The following CCDC181 variants were observed in gnomAD, a reference collection of about 807,000 sequenced individuals.
CCDC181 encodes the protein coiled-coil domain-containing protein 181.
CCDC181 carries 35 observed loss-of-function variants against 58.7 expected under a neutral mutation model. That is an observed-to-expected ratio of 0.60 (90% confidence interval 0.46 to 0.79). The LOEUF (loss-of-function observed/expected upper bound fraction) is 0.79, where lower values mean the gene tolerates loss of function less well. Among genes scored for constraint, CCDC181 ranks in the 30% least tolerant of loss-of-function variants. The pLI, the probability that CCDC181 is intolerant of heterozygous loss-of-function variation, is 0.00. For synonymous variants in CCDC181, 183 were observed against 197.5 expected (o/e 0.93, Z 0.62); for missense variants, 517 against 583.9 (o/e 0.89, Z 1.18).
chr1:169,434,659 C>T (rs570072628), intron 2 of CCDC181, among the ~76,000 whole-genome samples: 3 of 148,728 alleles, frequency 2.0e-5, no homozygotes, highest in African/African-American at 7.3e-5. Flanking sequence ...GAAGACATTA[C>T]GCTAGGTAAA....
chr1:169,418,140 A>G (rs1306630714), intron 4 of CCDC181, among the ~76,000 whole-genome samples: 17 of 152,186 alleles, frequency 1.1e-4, no homozygotes, highest in Admixed American at 8.5e-4. Context: ...GCCTTCAAAC[A>G]TTTTAAATTC....
chr1:169,409,645 G>A (rs1021227930), intron 4 of CCDC181, among the ~76,000 whole-genome samples: 1 of 152,156 alleles, frequency 6.6e-6, no homozygotes, highest in African/African-American at 2.4e-5. Context: ...AGAGAGAAAG[G>A]TCGGGTTACT....
intron 2 of CCDC181, chr1:169,443,491 A>T (rs1459854174): frequency 6.6e-6 from 1 of 152,150 alleles, no homozygotes; most frequent in African/African-American, 2.4e-5. Flanking sequence ...CAACAAACAT[A>T]ATTTACTTTT....
At chr1:169,432,266 TA>T (rs1248047298), upstream of CCDC181, among the ~76,000 whole-genome samples, 1 of 152,060 alleles carries the variant, frequency 6.6e-6, no homozygotes, top group African/African-American at 2.4e-5. Context: ...TCAGTGAACT[TA>T]AAGATAAGAC....
intron 4 of CCDC181, among the ~76,000 whole-genome samples, chr1:169,397,699 C>T (rs913926514): frequency 6.6e-6 from 1 of 152,100 alleles, no homozygotes; most frequent in Non-Finnish European, 1.5e-5. Context: ...ATAATTTTAA[C>T]ATAAGAAAAA....
upstream of CCDC181, among the ~76,000 whole-genome samples, chr1:169,427,635 T>C (rs2102107852): frequency 6.6e-6 from 1 of 152,370 alleles, no homozygotes; most frequent in African/African-American, 2.4e-5. Context: ...AGTGCCGCTG[T>C]GTTGGTTGTG....
intron 2 of CCDC181, chr1:169,454,703 T>C (rs1486850306): frequency 6.6e-6 from 1 of 151,918 alleles, no homozygotes; most frequent in African/African-American, 2.4e-5. Flanking sequence ...GGCATATAAA[T>C]TTAAAAGTAT....
chr1:169,397,214 G>T, intron 5 of CCDC181, 23 bp downstream of exon 5: 1 of 1,502,494 alleles, frequency 6.7e-7, no homozygotes, highest in Non-Finnish European at 8.9e-7. Context: ...GAGGAGGGGG[G>T]AAATGCCCTG....
intron 2 of CCDC181, among the ~76,000 whole-genome samples, chr1:169,456,995 C>A (rs1657692638): frequency 6.6e-6 from 1 of 152,040 alleles, no homozygotes; most frequent in African/African-American, 2.4e-5. Context: ...TGTTTTTATT[C>A]TAGTTCTTAA....
rs1656491044 is a variant in CCDC181 at position 169,421,975 on chromosome 1, A to C, written c.456T>G (p.Leu152=). The C allele has an allele frequency of 2.5e-6, 4 of 1,614,042 alleles. No individual in the cohort carries two copies. The highest frequency in any genetic ancestry group is 3.4e-6 in the Non-Finnish European group (4 of 1,179,990). ...AATCAACTAACTGGTCCTTGAACTTAAGTTTTCGCTCCCTTTTATCATTCA... is the reference window on the plus strand; with the variant it reads ...AATCAACTAACTGGTCCTTGAACTTCAGTTTTCGCTCCCTTTTATCATTCA... The part of the protein sequence containing the change: ...EPVNDKRERK[L]KFKDQLVDLE... The change falls in exon 3 of 6, where the codon CTT becomes CTG. Residue 152 remains leucine, a synonymous_variant. Coordinates refer to ENST00000367806, the MANE Select transcript of CCDC181 (RefSeq NM_001300969.2).
intron 4 of CCDC181, among the ~76,000 whole-genome samples, chr1:169,404,655 G>A (rs571326398): frequency 7.9e-5 from 12 of 152,262 alleles, no homozygotes; most frequent in African/African-American, 1.9e-4. Context: ...TTGATGGGAC[G>A]TATCTCAAAA....
In CCDC181 at chr1:169,410,038, T is replaced by C. The variant is rs141863198; in HGVS notation, c.1215+8975A>G. Among the ~76,000 whole-genome samples, 195 of 152,214 alleles carry C rather than the reference T, an allele frequency of 1.3e-3. 6 individuals are homozygous for C. The highest frequency in any genetic ancestry group is 6.8e-3 in the Middle Eastern group (2 of 294). On this transcript the variant is annotated intron_variant, in intron 4 of 5. Transcript: ENST00000367806. Reference sequence around the variant, plus strand: ...AGGATCAAATTCACACATAACAATATTGACCTTTACTGTAAACGGGATAAA... The same window carrying C: ...AGGATCAAATTCACACATAACAATACTGACCTTTACTGTAAACGGGATAAA...
In CCDC181 at chr1:169,419,019, G is replaced by C. The variant is rs1557868537; in HGVS notation, c.1209C>G (p.Asn403Lys). 2 of 1,612,086 alleles carry C rather than the reference G, an allele frequency of 1.2e-6. No individual in the cohort carries two copies. The highest frequency in any genetic ancestry group is 4.5e-5 in the East Asian group (2 of 44,828). Residue 403 changes from asparagine to lysine, a missense_variant, in exon 4 of 6, where the codon AAC (asparagine) becomes AAG (lysine). Coordinates refer to ENST00000367806, the MANE Select transcript of CCDC181 (RefSeq NM_001300969.2). ...IQRAKEIEDM[N>K]SRQENRDPQQ... is the part of the protein sequence containing the mutation. ...TCAGAGAAGTTTTACTTACTCTACT[G>C]TTCATGTCTTCAATTTCCTTTGCTC...
intron 4 of CCDC181, among the ~76,000 whole-genome samples, chr1:169,404,010 A>G (rs1475136462): frequency 6.6e-6 from 1 of 152,230 alleles, no homozygotes; most frequent in Non-Finnish European, 1.5e-5. Context: ...AATACAAACT[A>G]CCATCAGAGA....
intron 2 of CCDC181, among the ~76,000 whole-genome samples, chr1:169,423,063 TTA>T (rs146513568): frequency 2.9e-5 from 1 of 34,474 alleles, no homozygotes; most frequent in Non-Finnish European, 9.0e-5. Flanking sequence ...TATAAATATT[TTA>T]TATATATATA....
intron 2 of CCDC181, among the ~76,000 whole-genome samples, chr1:169,437,012 A>G (rs1010828524): frequency 6.6e-6 from 1 of 151,736 alleles, no homozygotes; most frequent in Non-Finnish European, 1.5e-5. Flanking sequence ...GGCGGGAGGG[A>G]GACCTGAGTT....
intron 4 of CCDC181, among the ~76,000 whole-genome samples, chr1:169,405,336 C>T (rs1211313137): frequency 2.0e-5 from 3 of 152,096 alleles, no homozygotes; most frequent in Non-Finnish European, 4.4e-5. Flanking sequence ...CAAAAAAGAG[C>T]CCACATTGCC....
chr1:169,405,921 T>C (rs574216227), intron 4 of CCDC181, among the ~76,000 whole-genome samples: 1 of 146,382 alleles, frequency 6.8e-6, no homozygotes, highest in Non-Finnish European at 1.5e-5. Context: ...AAAGGGCTAA[T>C]ATCCAGAATT....
Position 169,441,621 on chromosome 1 carries a change from T to G in CCDC181, c.-23-16671A>C, listed in dbSNP as rs1657230782. On this transcript the variant is annotated intron_variant, in intron 2 of 6. Coordinates refer to the CCDC181 transcript ENST00000545005. ...ATACAAGGGAAGAAAATTAAGAACA[T>G]GTAAGAACAGGGTGATTTAGCAAGA... Among the ~76,000 whole-genome samples the G allele has an allele frequency of 2.0e-5, 3 of 152,022 alleles. No individual in the cohort carries two copies. The South Asian group carries it at 6.2e-4, about 32-fold the overall frequency.
Sources: gnomAD v4.1 joint callset for allele counts (sites outside exome capture counted in the v4.1 genomes callset) on GRCh38, gnomAD v4.1.1 for gene constraint, MANE v1.5 for transcripts, NCBI Gene and HGNC (gene_info 2026-07-23, HGNC 2026-07-21) for gene names.